PRPF39: variants seen among roughly 807,000 people sequenced by gnomAD.
PRPF39 encodes the protein pre-mRNA processing factor 39.
Under a neutral mutation model 82.1 loss-of-function variants are expected in PRPF39, and 27 were observed. The ratio of observed to expected loss-of-function variants is 0.33; its 90% CI spans 0.24 to 0.45. The LOEUF (loss-of-function observed/expected upper bound fraction) is 0.45, where lower values mean the gene tolerates loss of function less well. Ranked by LOEUF, PRPF39 falls within the 20% of genes least tolerant of loss-of-function variation. PRPF39 has a pLI of 1.00. For missense variants in PRPF39, 581 were observed against 796.9 expected (o/e 0.73, Z 3.26); for synonymous variants, 261 against 256.4 (o/e 1.02, Z -0.17).
rs535511995 is a variant in PRPF39 at position 45,101,338 on chromosome 14, A to T, written c.570-1191A>T. Among the ~76,000 whole-genome samples the T allele has an allele frequency of 1.2e-4, 18 of 152,356 alleles. No individual in the cohort carries two copies. The East Asian group carries it at 3.5e-3, about 29-fold the overall frequency. ...TTTAAAAATCTCTCTTGATTCTAAG[A>T]TACTTATCTTGAAAGTATGTATCTA... On this transcript the variant is annotated intron_variant, in intron 4 of 13. Coordinates refer to ENST00000355765, the MANE Select transcript of PRPF39 (RefSeq NM_017922.4).
rs1884679824 is a variant in PRPF39, at chr14:45,110,996, A to G, written c.1572+179A>G. On this transcript the variant is annotated intron_variant, in intron 10 of 13. Transcript: ENST00000355765. The surrounding 1 kb of genome is among the most constrained non-coding windows in gnomAD (Gnocchi z 4.0). ...TAAAAATTTTTTTCAAATTGTTTTG[A>G]ATTAAAAGTTTTAGACATTAAGATT... The G allele has an allele frequency of 4.9e-6, 3 of 616,078 alleles. No individual in the cohort carries two copies. In the South Asian group the frequency reaches 6.9e-5, roughly 14 times the overall value. The allele number at this position is 616,078 out of a possible 1,614,324, so 38.2% of individuals were successfully genotyped here.
chr14:45,111,654 T>TTTTTC (rs1480971996), intron 10 of PRPF39, among the ~76,000 whole-genome samples: 5 of 144,458 alleles, frequency 3.5e-5, no homozygotes, highest in African/African-American at 1.3e-4. Context: ...TTTTTTTTTT[T>TTTTTC]TTTTGAGACA....
chr14:45,095,438 C>G lies in PRPF39; in HGVS notation c.199C>G (p.Pro67Ala), dbSNP rs1475643354. The G allele has an allele frequency of 3.1e-6, 5 of 1,613,872 alleles. No individual in the cohort carries two copies. Among genetic ancestry groups the G allele is most frequent in the East Asian group, 2.2e-5 (1 of 44,892 alleles). ...ETEMASAVDL[P>A]VTLTETEANF... Reference sequence around the variant, plus strand: ...TGAAATGGCAAGTGCTGTGGACCTTCCAGTGACGCTGACAGAAACAGAAGC... The same window carrying G: ...TGAAATGGCAAGTGCTGTGGACCTTGCAGTGACGCTGACAGAAACAGAAGC... The change falls in exon 2 of 14, where the codon CCA (proline) becomes GCA (alanine). Residue 67 changes from proline (P) to alanine (A), a missense_variant. Transcript: ENST00000355765.
At position 45,109,655 on chromosome 14, in the gene PRPF39, G is replaced by C; in HGVS notation, c.1051G>C (p.Ala351Pro). 1 of 1,607,184 alleles carries C rather than the reference G, an allele frequency of 6.2e-7. No homozygotes were observed. Among genetic ancestry groups the C allele is most frequent in the Non-Finnish European group, 8.5e-7 (1 of 1,176,234 alleles). ...PYFHVKPLEK[A>P]QLKNWKEYLE... ...CTTTCATGTGAAACCTTTGGAAAAG[G>C]CACAACTAAAAAACTGGAAAGAATA... Residue 351 changes from alanine (A) to proline (P), a missense_variant, in exon 8 of 14, where the codon GCA becomes CCA. Ala to Pro is a conservative substitution (Grantham distance 27, BLOSUM62 -1). Transcript: ENST00000355765.
chr14:45,103,293 TTC>T (rs1378111267), intron 5 of PRPF39, among the ~76,000 whole-genome samples: 3 of 152,182 alleles, frequency 2.0e-5, no homozygotes, highest in Non-Finnish European at 4.4e-5. Flanking sequence ...TATTTTTGTG[TTC>T]TGTTTTCTGC....
Position 45,115,611 on chromosome 14 carries a change from A to G in PRPF39, c.*698A>G, listed in dbSNP as rs1352661318. On this transcript the variant is annotated 3_prime_UTR_variant, in exon 14 of 14. Coordinates refer to ENST00000355765, the MANE Select transcript of PRPF39 (RefSeq NM_017922.4). Reference sequence around the variant, plus strand: ...AAGACTCATCCAGTAATTGTTTATGAATTTATTTTGGGGGGATCAATTAGT... The same window carrying G: ...AAGACTCATCCAGTAATTGTTTATGGATTTATTTTGGGGGGATCAATTAGT... The G allele has an allele frequency of 1.3e-5, 2 of 152,512 alleles. No individual in the cohort carries two copies. The highest frequency in any genetic ancestry group is 2.9e-5 in the Non-Finnish European group (2 of 68,010). The allele number at this position is 152,512 out of a possible 1,614,324, so 9.4% of individuals were successfully genotyped here.
chr14:45,104,278 T>C (rs1412314848), intron 5 of PRPF39, among the ~76,000 whole-genome samples: 2 of 152,230 alleles, frequency 1.3e-5, no homozygotes, highest in African/African-American at 4.8e-5. Context: ...ATATTACACA[T>C]ACTGATCTAT....
In PRPF39 at chr14:45,095,460, A is replaced by G; in HGVS notation, c.221A>G (p.Glu74Gly). The change falls in exon 2 of 14, where the codon GAA becomes GGA. Residue 74 changes from glutamate to glycine, a missense_variant. Coordinates refer to ENST00000355765, the MANE Select transcript of PRPF39 (RefSeq NM_017922.4). ...CTTCCAGTGACGCTGACAGAAACAG[A>G]AGCAAATTTCCCTCCAGAATATGAA... ...VDLPVTLTETEANFPPEYEKF... is the reference protein window; with the variant it reads ...VDLPVTLTETGANFPPEYEKF... 6.2e-7 allele frequency: 1 copy of G among 1,614,030 alleles called. No individual in the cohort carries two copies. The highest frequency in any genetic ancestry group is 8.5e-7 in the Non-Finnish European group (1 of 1,179,892).
intron 4 of PRPF39, among the ~76,000 whole-genome samples, chr14:45,098,373 G>A (rs561468886): frequency 1.3e-5 from 2 of 151,866 alleles, no homozygotes; most frequent in South Asian, 4.2e-4. Context: ...AACCTGGGAG[G>A]TGGAGGTTGC....
chr14:45,101,657 G>T (rs1355206725), intron 4 of PRPF39, among the ~76,000 whole-genome samples: 3 of 151,960 alleles, frequency 2.0e-5, no homozygotes, highest in Non-Finnish European at 4.4e-5. Flanking sequence ...GTAGAGATGG[G>T]GTTTCGCCGT....
rs1293716100 is a variant in PRPF39, at chr14:45,110,274, A to C, written c.1303+54A>C. 6.3e-7 allele frequency: 1 copy of C among 1,598,754 alleles called. No individual in the cohort carries two copies. The highest frequency in any genetic ancestry group is 8.6e-7 in the Non-Finnish European group (1 of 1,169,156). Reference sequence around the variant, plus strand: ...TTTGAGATTTTAAGTTATTTCAGGAAACAGTGACAAATTGAGTGGTAAGGG... The same window carrying C: ...TTTGAGATTTTAAGTTATTTCAGGACACAGTGACAAATTGAGTGGTAAGGG... On this transcript the variant is annotated intron_variant, in intron 9 of 13. Coordinates refer to ENST00000355765, the MANE Select transcript of PRPF39 (RefSeq NM_017922.4). This position sits in a 1 kb window ranked among gnomAD's most constrained non-coding sequence, Gnocchi z 4.0.
intron 11 of PRPF39, among the ~76,000 whole-genome samples, 180 bp downstream of exon 11, chr14:45,112,682 A>C (rs1453094368): frequency 6.6e-6 from 1 of 152,248 alleles, no homozygotes; most frequent in Non-Finnish European, 1.5e-5. Context: ...TGTACTTAAC[A>C]GGAAGGCATA....
chr14:45,096,434 CCT>C (rs1440879425), intron 3 of PRPF39: 1 of 1,487,254 alleles, frequency 6.7e-7, no homozygotes, highest in South Asian at 1.2e-5. Context: ...GTGCGTTAAA[CCT>C]CTACAGTTTG....
intron 13 of PRPF39, 67 bp downstream of exon 13, chr14:45,114,681 T>C: frequency 6.5e-7 from 1 of 1,544,414 alleles, no homozygotes. Context: ...TAGTTTCTTT[T>C]TTTTTAAAAA....
chr14:45,112,063 TTTTAA>T (rs1884714170), intron 10 of PRPF39, among the ~76,000 whole-genome samples: 1 of 151,902 alleles, frequency 6.6e-6, no homozygotes, highest in African/African-American at 2.4e-5. Flanking sequence ...GGCTATAGAG[TTTTAA>T]TTTACTGTCA....
At chr14:45,112,274 T>TA (rs1215956603) in intron 10 of PRPF39, 44 bp from the exon 11 acceptor site, 3 of 1,454,996 alleles carry the variant, frequency 2.1e-6, no homozygotes, top group Non-Finnish European at 2.8e-6. Flanking sequence ...TGTGCTCTAA[T>TA]AAAAATATTT....
Position 45,112,449 on chromosome 14 carries a change from A to C in PRPF39, c.1704A>C (p.Thr568=). The C allele has an allele frequency of 1.9e-6, 3 of 1,541,370 alleles. No individual in the cohort carries two copies. The highest frequency in any genetic ancestry group is 1.3e-5 in the South Asian group (1 of 78,960). ...HGSLPIKMRI[T]FSQRKVEFLE... ...CATTACCTATTAAAATGAGAATTAC[A>C]TTTTCTCAGAGAAAAGTGGAATTTC... The change falls in exon 11 of 14, where the codon ACA becomes ACC. Residue 568 remains threonine, a synonymous_variant. Transcript: ENST00000355765.
intron 3 of PRPF39, 138 bp from the exon 4 acceptor site, chr14:45,096,749 C>T: frequency 6.5e-7 from 1 of 1,535,494 alleles, no homozygotes; most frequent in South Asian, 1.2e-5. Flanking sequence ...ATCCAACCTC[C>T]ACCCAAATGG....
chr14:45,095,689 A>G (rs1884176166), intron 2 of PRPF39, 126 bp downstream of exon 2: 3 of 1,231,712 alleles, frequency 2.4e-6, no homozygotes, highest in East Asian at 2.6e-5. Flanking sequence ...GTTGAATAAC[A>G]TTAGGTAGCT....
Sources: gnomAD v4.1 joint callset for allele counts (sites outside exome capture counted in the v4.1 genomes callset) on GRCh38, gnomAD v4.1.1 for gene constraint, Gnocchi (gnomAD v3.1) non-coding constraint, MANE v1.5 for transcripts, NCBI Gene and HGNC (gene_info 2026-07-23, HGNC 2026-07-21) for gene names.